DLC1: variants seen among roughly 807,000 people sequenced by gnomAD.
The protein encoded by DLC1 is DLC1 Rho GTPase activating protein.
In DLC1, 54 loss-of-function variants were observed where a neutral mutation model predicts 140.3. That is an observed-to-expected ratio of 0.38 (90% confidence interval 0.31 to 0.48). DLC1 has a LOEUF of 0.48. Among genes scored for constraint, DLC1 ranks in the 20% least tolerant of loss-of-function variants. DLC1 has a pLI of 0.96. For synonymous variants in DLC1, 986 were observed against 728.1 expected, an observed-to-expected ratio of 1.35 and a Z score of -5.70; for missense variants, 2,536 against 1,907.0, an observed-to-expected ratio of 1.33 and a Z score of -6.14.
intron 2 of DLC1, among the ~76,000 whole-genome samples, chr8:13,427,064 C>T (rs1031698169): frequency 6.6e-6 from 1 of 152,138 alleles, no homozygotes; most frequent in Non-Finnish European, 1.5e-5. Context: ...ATTCCACACT[C>T]CTTGCCTTGT....
At chr8:13,086,163 A>C (rs150043712) in intron 17 of DLC1, 127 bp downstream of exon 17, 2 of 1,380,594 alleles carry the variant, frequency 1.4e-6, no homozygotes, top group East Asian at 4.8e-5. Context: ...TACTTTCTAA[A>C]CACCATTCTT....
intron 4 of DLC1, among the ~76,000 whole-genome samples, chr8:13,316,440 G>T (rs888649743): frequency 6.6e-6 from 1 of 151,908 alleles, no homozygotes; most frequent in African/African-American, 2.4e-5. Context: ...TGCAATAATG[G>T]TAATTAACTT....
At chr8:13,404,612 C>G (rs898530804) in intron 2 of DLC1, among the ~76,000 whole-genome samples, 5 of 151,980 alleles carry the variant, frequency 3.3e-5, no homozygotes, top group Admixed American at 2.6e-4. Flanking sequence ...CCCTGGGCAA[C>G]AGGGATTAAC....
intron 5 of DLC1, among the ~76,000 whole-genome samples, chr8:13,207,087 T>A (rs970913108): frequency 2.0e-5 from 3 of 152,194 alleles, no homozygotes; most frequent in African/African-American, 7.2e-5. Flanking sequence ...TATATTGTTA[T>A]ATGAATTTAT....
At chr8:13,601,319 T>C (rs1805875274) in intron 1 of DLC1, among the ~76,000 whole-genome samples, 1 of 151,822 alleles carries the variant, frequency 6.6e-6, no homozygotes. Context: ...GATGCTATCT[T>C]ATACTTCAGT....
chr8:13,600,169 C>T (rs1017279055), intron 1 of DLC1, among the ~76,000 whole-genome samples: 2 of 151,822 alleles, frequency 1.3e-5, no homozygotes, highest in Admixed American at 6.6e-5. Flanking sequence ...ATGTAATTCT[C>T]TATTATTTCT....
At chr8:13,156,397 G>C (rs1029594149) in intron 5 of DLC1, among the ~76,000 whole-genome samples, 1 of 152,178 alleles carries the variant, frequency 6.6e-6, no homozygotes, top group Admixed American at 6.5e-5. Flanking sequence ...GTGAGAGTGC[G>C]CTGGGTGTAC....
chr8:13,555,608 C>G (rs1172651821), intron 1 of DLC1, among the ~76,000 whole-genome samples: 1 of 152,096 alleles, frequency 6.6e-6, no homozygotes, highest in African/African-American at 2.4e-5. Context: ...TCTCCTGCCT[C>G]TGCCTCCCAA....
chr8:13,352,555 A>AT (rs1451663236), intron 4 of DLC1, among the ~76,000 whole-genome samples: 1 of 151,494 alleles, frequency 6.6e-6, no homozygotes, highest in Non-Finnish European at 1.5e-5. Flanking sequence ...CTCATTTTTT[A>AT]TTTTTTGTAG....
At chr8:13,571,825 C>G (rs1471520649) in intron 1 of DLC1, among the ~76,000 whole-genome samples, 1 of 152,194 alleles carries the variant, frequency 6.6e-6, no homozygotes, top group East Asian at 1.9e-4. Context: ...TTTCCACCAG[C>G]AAGCTACAAG....
chr8:13,394,626 G>C (rs1836931901), intron 3 of DLC1, among the ~76,000 whole-genome samples: 1 of 152,132 alleles, frequency 6.6e-6, no homozygotes, highest in Non-Finnish European at 1.5e-5. Context: ...AGAAAACTAT[G>C]ATTTAAATAT....
chr8:13,551,061 C>CAG (rs1803829048), intron 1 of DLC1, among the ~76,000 whole-genome samples: 1 of 26,760 alleles, frequency 3.7e-5, no homozygotes, highest in Non-Finnish European at 1.3e-4. Context: ...CACACACACA[C>CAG]ACACACACAC....
At chr8:13,431,798 G>A (rs1409426625) in intron 2 of DLC1, among the ~76,000 whole-genome samples, 1 of 152,168 alleles carries the variant, frequency 6.6e-6, no homozygotes, top group Non-Finnish European at 1.5e-5. Flanking sequence ...GGGGTGGCAA[G>A]TGGAGGATAG....
At chr8:13,258,864 G>A (rs1375855606) in intron 5 of DLC1, among the ~76,000 whole-genome samples, 1 of 152,128 alleles carries the variant, frequency 6.6e-6, no homozygotes, top group Non-Finnish European at 1.5e-5. Context: ...TAGGCCGGGC[G>A]CGGTGGCTCA....
chr8:13,595,299 G>C (rs1191937773), intron 1 of DLC1, among the ~76,000 whole-genome samples: 3 of 151,908 alleles, frequency 2.0e-5, no homozygotes, highest in African/African-American at 7.2e-5. Flanking sequence ...TCTTCCCACT[G>C]TGGTATTATA....
At chr8:13,542,199 T>C (rs191794392) in intron 1 of DLC1, among the ~76,000 whole-genome samples, 7 of 152,328 alleles carry the variant, frequency 4.6e-5, no homozygotes, top group Admixed American at 4.6e-4. Flanking sequence ...CTTTAGCTCT[T>C]ATATTTTGGC....
chr8:13,449,738 A>G (rs1197332062), intron 2 of DLC1, among the ~76,000 whole-genome samples: 1 of 152,142 alleles, frequency 6.6e-6, no homozygotes, highest in Non-Finnish European at 1.5e-5. Context: ...GTTAATGGGT[A>G]CAGCACACCA....
chr8:13,440,772 G>C (rs901460562), intron 2 of DLC1, among the ~76,000 whole-genome samples: 1 of 152,012 alleles, frequency 6.6e-6, no homozygotes, highest in Non-Finnish European at 1.5e-5. Flanking sequence ...AGATCTGAAG[G>C]GTTTATCAGG....
intron 5 of DLC1, among the ~76,000 whole-genome samples, chr8:13,142,594 G>C (rs1292404301): frequency 6.6e-6 from 1 of 151,952 alleles, no homozygotes; most frequent in Non-Finnish European, 1.5e-5. Context: ...AGGAAAATTA[G>C]GATAACTACA....
Sources: gnomAD v4.1 joint callset for allele counts (sites outside exome capture counted in the v4.1 genomes callset) on GRCh38, gnomAD v4.1.1 for gene constraint, MANE v1.5 for transcripts, NCBI Gene and HGNC (gene_info 2026-07-23, HGNC 2026-07-21) for gene names.